SRGAP2: variants seen among roughly 807,000 people sequenced by gnomAD.
SRGAP2 encodes the protein SLIT-ROBO Rho GTPase activating protein 2.
In SRGAP2, 15 loss-of-function variants were observed where a neutral mutation model predicts 57.2. That is an observed-to-expected ratio of 0.26 (90% confidence interval 0.18 to 0.40). The LOEUF is 0.40. Ranked by LOEUF, SRGAP2 falls within the 10% of genes least tolerant of loss-of-function variation. The pLI is 1.00. For synonymous variants in SRGAP2, 249 were observed against 248.0 expected (o/e 1.00, Z -0.04); for missense variants, 520 against 669.6 (o/e 0.78, Z 2.47).
rs1664412180 is a variant in SRGAP2, at chr1:206,463,855, C to T, written c.*2435C>T. ...AGGTTGCACACTGTGATTTTTACAC[C>T]GAAAAGCCAAAAGGAGCTGGCCATC... is the stretch of plus-strand genomic sequence containing the variant. On this transcript the variant is annotated 3_prime_UTR_variant, in exon 23 of 23. Transcript: ENST00000573034. The T allele has an allele frequency of 1.3e-5, 2 of 152,608 alleles. No homozygotes were observed. The highest frequency in any genetic ancestry group is 1.9e-4 in the East Asian group (1 of 5,196). The allele number at this position is 152,608 out of a possible 1,614,324, so 9.5% of individuals were successfully genotyped here.
At position 206,432,266 on chromosome 1, in the gene SRGAP2, G is replaced by C. The variant is rs576125529; in HGVS notation, c.1555+2044G>C. On this transcript the variant is annotated intron_variant, in intron 14 of 22. Coordinates refer to ENST00000573034, the MANE Select transcript of SRGAP2 (RefSeq NM_015326.5). Reference sequence around the variant, plus strand: ...TGCCCCTTACAGCCACAGTGCGTGAGTGCTTCACCATTACTGTGGTGAAGC... The same window carrying C: ...TGCCCCTTACAGCCACAGTGCGTGACTGCTTCACCATTACTGTGGTGAAGC... Among the ~76,000 whole-genome samples the C allele has an allele frequency of 2.0e-5, 3 of 152,154 alleles. No homozygotes were observed. In the East Asian group the frequency reaches 5.8e-4, roughly 29 times the overall value.
At chr1:206,247,494 T>A (rs1489959744) in intron 2 of SRGAP2, among the ~76,000 whole-genome samples, 1 of 152,108 alleles carries the variant, frequency 6.6e-6, no homozygotes, top group Non-Finnish European at 1.5e-5. Flanking sequence ...AAGAGCAGCC[T>A]GGTCCTTAAT....
chr1:206,234,509 A>G (rs1667812558), intron 2 of SRGAP2, among the ~76,000 whole-genome samples: 1 of 152,164 alleles, frequency 6.6e-6, no homozygotes, highest in Non-Finnish European at 1.5e-5. Context: ...CCTTACTGCC[A>G]TCTTCTTTCC....
chr1:206,386,641 C>CA lies in SRGAP2; in HGVS notation c.486+2573dup, dbSNP rs1374442657. Among the ~76,000 whole-genome samples, 60 of 101,310 alleles carry CA rather than the reference C, an allele frequency of 5.9e-4. 1 individual carries two copies. The highest frequency in any genetic ancestry group is 2.3e-3 in the African/African-American group (58 of 25,740). 66.5% of individuals were successfully genotyped at this position (101,310 alleles called of 152,430 possible). On this transcript the variant is annotated intron_variant, in intron 5 of 22. Transcript: ENST00000573034. Reference sequence around the variant, plus strand: ...TGAAACCCTGTCTCTACTAAAAATACAAAAAAAATTAGCTGGGCATGGTGG... The same window carrying CA: ...TGAAACCCTGTCTCTACTAAAAATACAAAAAAAAATTAGCTGGGCATGGTGG...
intron 3 of SRGAP2, among the ~76,000 whole-genome samples, chr1:206,310,202 T>C (rs1473855844): frequency 1.3e-5 from 2 of 151,506 alleles, no homozygotes; most frequent in Non-Finnish European, 2.9e-5. Flanking sequence ...CAATTTCATA[T>C]GGTACAGCCT....
intron 3 of SRGAP2, among the ~76,000 whole-genome samples, chr1:206,326,044 A>G (rs1410954345): frequency 1.1e-4 from 16 of 149,890 alleles, no homozygotes; most frequent in Admixed American, 4.7e-4. Context: ...GGGATGGTAG[A>G]TACTAGTGGG....
Position 206,454,374 on chromosome 1 carries a change from G to T in SRGAP2, c.2361-504G>T. 2 of 599,044 alleles carry T rather than the reference G, an allele frequency of 3.3e-6. No individual in the cohort carries two copies. Among genetic ancestry groups the T allele is most frequent in the Non-Finnish European group, 5.9e-6 (2 of 336,822 alleles). 37.1% of individuals were successfully genotyped at this position (599,044 alleles called of 1,614,324 possible). A position where few individuals can be genotyped will look rare whatever the true frequency, so the allele number is the denominator to read the frequency against. On this transcript the variant is annotated intron_variant, in intron 20 of 22. Coordinates refer to ENST00000573034, the MANE Select transcript of SRGAP2 (RefSeq NM_015326.5). This position sits in a 1 kb window ranked among gnomAD's most constrained non-coding sequence, Gnocchi z 4.3. The stretch of plus-strand genomic sequence containing the variant: ...AGAGGGGCCAGGAGAGCAGTGGAGA[G>T]ACCTGGGACCGGCTTGGATGCTCTG...
At chr1:206,314,101 T>G (rs1471906844) in intron 3 of SRGAP2, among the ~76,000 whole-genome samples, 5 of 131,346 alleles carry the variant, frequency 3.8e-5, no homozygotes, top group African/African-American at 1.5e-4. Flanking sequence ...TTTTTGTTTT[T>G]TTTGTTTTTT....
chr1:206,209,973 C>G (rs1323339584), intron 2 of SRGAP2, among the ~76,000 whole-genome samples: 1 of 123,228 alleles, frequency 8.1e-6, no homozygotes, highest in Admixed American at 8.0e-5. Flanking sequence ...ATTTTCCATT[C>G]CCATTTGGTT....
At chr1:206,289,208 T>G (rs1472480041) in intron 2 of SRGAP2, among the ~76,000 whole-genome samples, 6 of 142,480 alleles carry the variant, frequency 4.2e-5, no homozygotes, top group Non-Finnish European at 7.6e-5. Context: ...CTCTCCTCCA[T>G]TACTTTGAAA....
rs529318971 is a variant in SRGAP2, at chr1:206,237,170, A to G, written c.67+31133A>G. On this transcript the variant is annotated intron_variant, in intron 2 of 22. Transcript: ENST00000573034. ...CCAGCTACTCGGGAGGCTGAGGCACAAGAATCTCTTGAACCCGGGAGGCAA... is the reference window on the plus strand; with the variant it reads ...CCAGCTACTCGGGAGGCTGAGGCACGAGAATCTCTTGAACCCGGGAGGCAA... Among the ~76,000 whole-genome samples the G allele has an allele frequency of 2.9e-3, 437 of 151,906 alleles. 1 individual carries two copies. Among genetic ancestry groups the G allele is most frequent in the African/African-American group, 0.01 (421 of 41,390 alleles).
chr1:206,325,428 C>G (rs1553329585), intron 3 of SRGAP2, among the ~76,000 whole-genome samples: 1 of 151,584 alleles, frequency 6.6e-6, no homozygotes, highest in Non-Finnish European at 1.5e-5. Flanking sequence ...ACTGCAACCT[C>G]TGCCTCCTGA....
chr1:206,255,034 T>C (rs1669099991), intron 2 of SRGAP2, among the ~76,000 whole-genome samples: 1 of 151,612 alleles, frequency 6.6e-6, no homozygotes, highest in Non-Finnish European at 1.5e-5. Context: ...TCCCAACTCA[T>C]GCTTAATACT....
chr1:206,309,314 A>G (rs1553323111), intron 3 of SRGAP2, among the ~76,000 whole-genome samples: 1 of 151,924 alleles, frequency 6.6e-6, no homozygotes. Flanking sequence ...TAGACCCCAA[A>G]TGATAGCTCT....
chr1:206,272,848 C>T (rs1203369369), intron 2 of SRGAP2, among the ~76,000 whole-genome samples: 3 of 152,220 alleles, frequency 2.0e-5, no homozygotes, highest in African/African-American at 7.2e-5. Context: ...CCATCCCCTG[C>T]CCTCCCCAAG....
chr1:206,231,782 C>G lies in SRGAP2; in HGVS notation c.67+25745C>G, dbSNP rs372964221. Among the ~76,000 whole-genome samples the G allele has an allele frequency of 7.2e-5, 11 of 151,806 alleles. No individual in the cohort carries two copies. In the East Asian group the frequency reaches 1.6e-3, roughly 22 times the overall value. ...TGAACTCCAGGCCTCGAGCAATCCA[C>G]CTGCCTCTGCCTCCCAAAGTGTTGG... On this transcript the variant is annotated intron_variant, in intron 2 of 22. Coordinates refer to ENST00000573034, the MANE Select transcript of SRGAP2 (RefSeq NM_015326.5).
In SRGAP2 at chr1:206,335,412, CA is replaced by C. The variant is rs1674703095; in HGVS notation, c.261-7431del. On this transcript the variant is annotated intron_variant, in intron 3 of 22. Coordinates refer to ENST00000573034, the MANE Select transcript of SRGAP2 (RefSeq NM_015326.5). Reference sequence around the variant, plus strand: ...GGGCAGGCAGATTTTCTAAGTCAGCCAAATCAGGGTTTTGCAGTGGGTTCAT... The same window carrying C: ...GGGCAGGCAGATTTTCTAAGTCAGCCAATCAGGGTTTTGCAGTGGGTTCAT... Among the ~76,000 whole-genome samples the C allele has an allele frequency of 2.0e-5, 3 of 151,934 alleles. No homozygotes were observed. The South Asian group carries it at 6.3e-4, about 32-fold the overall frequency.
intron 17 of SRGAP2, among the ~76,000 whole-genome samples, chr1:206,441,921 C>G (rs1170057300): frequency 6.6e-6 from 1 of 152,212 alleles, no homozygotes; most frequent in East Asian, 1.9e-4. Flanking sequence ...AAATGTTTCT[C>G]TGGATCCATG....
intron 11 of SRGAP2, among the ~76,000 whole-genome samples, chr1:206,417,310 G>T (rs1553362387): frequency 6.6e-6 from 1 of 151,708 alleles, no homozygotes; most frequent in African/African-American, 2.4e-5. Flanking sequence ...TGCCATGTTG[G>T]CCAGGCTGGT....
Sources: gnomAD v4.1 joint callset for allele counts (sites outside exome capture counted in the v4.1 genomes callset) on GRCh38, gnomAD v4.1.1 for gene constraint, Gnocchi (gnomAD v3.1) non-coding constraint, MANE v1.5 for transcripts, NCBI Gene and HGNC (gene_info 2026-07-23, HGNC 2026-07-21) for gene names.